Variants in DGKH observed in about 807,000 individuals in gnomAD.
DGKH encodes the protein diacylglycerol kinase eta.
A neutral mutation model predicts 159.3 loss-of-function variants in DGKH; 90 were observed. The observed-to-expected ratio is 0.57, with a 90% CI of 0.48 to 0.67. The LOEUF (loss-of-function observed/expected upper bound fraction) is 0.67. DGKH is among the 30% of genes least tolerant of loss of function. The pLI, the probability that DGKH is intolerant of heterozygous loss-of-function variation, is 0.00. For synonymous variants in DGKH, 536 were observed against 553.8 expected, an observed-to-expected ratio of 0.97 and a Z score of 0.45; for missense variants, 1,181 against 1,506.1, an observed-to-expected ratio of 0.78 and a Z score of 3.57.
chr13:42,048,737 G>A lies in DGKH; in HGVS notation c.-37G>A. 1 of 1,245,756 alleles carries A rather than the reference G, an allele frequency of 8.0e-7. No individual in the cohort carries two copies. Among genetic ancestry groups the A allele is most frequent in the Non-Finnish European group, 1.0e-6 (1 of 988,480 alleles). The allele number at this position is 1,245,756 out of a possible 1,614,324, so 77.2% of individuals were successfully genotyped here. On this transcript the variant is annotated 5_prime_UTR_variant, in exon 1 of 30. Transcript: ENST00000337343. The surrounding 1 kb of genome is among the most constrained non-coding windows in gnomAD (Gnocchi z 6.7). The stretch of plus-strand genomic sequence containing the variant: ...CCCGCTGACCAACGCCGCCGCCCCC[G>A]CCGGGCGGTGCTGTGTCCCCGCAGG...
At chr13:42,225,250 A>G (rs1195413954) in intron 29 of DGKH, 2 of 1,577,180 alleles carry the variant, frequency 1.3e-6, no homozygotes, top group Admixed American at 1.8e-5. Context: ...GTGCTTTAGC[A>G]GATAAGGAAA....
At chr13:42,222,493 T>G (rs1958004077) in intron 29 of DGKH, among the ~76,000 whole-genome samples, 1 of 152,106 alleles carries the variant, frequency 6.6e-6, no homozygotes, top group Non-Finnish European at 1.5e-5. Context: ...ATTAATTAAT[T>G]ACCTTAGTTG....
At chr13:42,052,689 A>G (rs959475827) in intron 1 of DGKH, among the ~76,000 whole-genome samples, 4 of 152,258 alleles carry the variant, frequency 2.6e-5, no homozygotes, top group African/African-American at 9.6e-5. Context: ...ATGAATGTGA[A>G]AGAAGCTTTG....
chr13:42,057,398 G>T (rs958867170), intron 1 of DGKH, among the ~76,000 whole-genome samples: 3 of 152,164 alleles, frequency 2.0e-5, no homozygotes, highest in African/African-American at 7.2e-5. Context: ...AGTTTTATCT[G>T]AGCAGGCACG....
rs755110936 is a variant in DGKH at position 42,209,484 on chromosome 13, C to T, written c.2850+19C>T. On this transcript the variant is annotated intron_variant, in intron 23 of 29. Coordinates refer to ENST00000337343, the MANE Select transcript of DGKH (RefSeq NM_178009.5). ...GGACAGAGTATGTAACAAAAACATT[C>T]TTCTAGAATATTGTCAGGTTTTTAA... The T allele has an allele frequency of 6.4e-7, 1 of 1,550,872 alleles. No individual in the cohort carries two copies. Among genetic ancestry groups the T allele is most frequent in the South Asian group, 1.2e-5 (1 of 81,580 alleles).
intron 9 of DGKH, among the ~76,000 whole-genome samples, chr13:42,167,517 T>C (rs1461034262): frequency 2.0e-5 from 3 of 152,206 alleles, no homozygotes; most frequent in Admixed American, 1.3e-4. Flanking sequence ...TTTTGCCCCC[T>C]GAGTCTTCCT....
chr13:42,251,887 A>T (rs1287346147), intron 29 of DGKH, among the ~76,000 whole-genome samples: 1 of 152,156 alleles, frequency 6.6e-6, no homozygotes, highest in Non-Finnish European at 1.5e-5. Context: ...TTATCTTTCC[A>T]CTTAATTAGC....
chr13:42,141,992 T>A (rs1340150471), intron 3 of DGKH, among the ~76,000 whole-genome samples: 1 of 151,400 alleles, frequency 6.6e-6, no homozygotes, highest in Non-Finnish European at 1.5e-5. Flanking sequence ...CTGAATGGTA[T>A]TGCCTAGGTT....
At chr13:42,091,219 A>G (rs1180390665) in intron 1 of DGKH, among the ~76,000 whole-genome samples, 1 of 152,242 alleles carries the variant, frequency 6.6e-6, no homozygotes, top group Admixed American at 6.5e-5. Context: ...AAGAAAACAT[A>G]GAAGAAAAGC....
chr13:42,105,279 G>A (rs1471464847), intron 1 of DGKH, among the ~76,000 whole-genome samples: 1 of 152,048 alleles, frequency 6.6e-6, no homozygotes, highest in Non-Finnish European at 1.5e-5. Context: ...GGAAATGAGA[G>A]CAAGTGCACG....
At chr13:42,227,972 A>G (rs934826079) in intron 29 of DGKH, among the ~76,000 whole-genome samples, 2 of 152,196 alleles carry the variant, frequency 1.3e-5, no homozygotes, top group African/African-American at 4.8e-5. Flanking sequence ...TTTGGAAGTC[A>G]TCTTTTTAAT....
chr13:42,146,054 C>T (rs531935582), intron 3 of DGKH, among the ~76,000 whole-genome samples: 124 of 151,722 alleles, frequency 8.2e-4, no homozygotes, highest in African/African-American at 2.9e-3. Context: ...AGAGCTGCCC[C>T]ATTTGTTAGA....
At chr13:42,081,670 C>T (rs1407242389) in intron 1 of DGKH, among the ~76,000 whole-genome samples, 2 of 152,168 alleles carry the variant, frequency 1.3e-5, no homozygotes, top group Non-Finnish European at 2.9e-5. Flanking sequence ...CAGTAGGAGC[C>T]ACCTCAGGCT....
chr13:42,159,850 C>T (rs576109724), intron 6 of DGKH, among the ~76,000 whole-genome samples, 161 bp from the exon 7 acceptor site: 3 of 152,276 alleles, frequency 2.0e-5, no homozygotes, highest in South Asian at 2.1e-4. Flanking sequence ...ATTCCTTGAA[C>T]GTTCATAATA....
At chr13:42,072,096 T>C (rs1200543140) in intron 1 of DGKH, among the ~76,000 whole-genome samples, 2 of 152,212 alleles carry the variant, frequency 1.3e-5, no homozygotes. Context: ...AATGTTTGAA[T>C]TAGAAGAAAA....
In DGKH at chr13:42,206,137, A is replaced by G; in HGVS notation, c.2592A>G (p.Lys864=). 1 of 1,428,684 alleles carries G rather than the reference A, an allele frequency of 7.0e-7. No individual in the cohort carries two copies. Among genetic ancestry groups the G allele is most frequent in the South Asian group, 1.7e-5 (1 of 59,098 alleles). The allele number at this position is 1,428,684 out of a possible 1,614,324, so 88.5% of individuals were successfully genotyped here. The change falls in exon 21 of 30, where the codon AAA becomes AAG. Residue 864 remains lysine, a synonymous_variant. Transcript: ENST00000337343. The part of the protein sequence containing the change: ...AGGTNFWGGT[K]EDDIFAAPSF... The stretch of plus-strand genomic sequence containing the variant: ...GCACTAACTTTTGGGGTGGAACTAA[A>G]GAGGATGATGTAAGTAATGGGAGTA...
At chr13:42,196,396 C>A in intron 17 of DGKH, among the ~76,000 whole-genome samples, 1 of 152,112 alleles carries the variant, frequency 6.6e-6, no homozygotes, top group Non-Finnish European at 1.5e-5. Flanking sequence ...GGAAGCAACC[C>A]AAACATCCAT....
chr13:42,092,965 G>A (rs1393455641), intron 1 of DGKH, among the ~76,000 whole-genome samples: 2 of 152,008 alleles, frequency 1.3e-5, no homozygotes, highest in African/African-American at 4.8e-5. Flanking sequence ...AGCATTGGCC[G>A]GGCACAGTGG....
intron 1 of DGKH, among the ~76,000 whole-genome samples, chr13:42,041,054 C>A (rs1880468056): frequency 6.6e-6 from 1 of 151,916 alleles, no homozygotes; most frequent in Non-Finnish European, 1.5e-5. Context: ...GCTTCCCAGC[C>A]GGGTTAGCGC....
Sources: allele counts gnomAD v4.1 joint callset (sites outside exome capture counted in the v4.1 genomes callset), GRCh38; gene constraint gnomAD v4.1.1; non-coding constraint Gnocchi (gnomAD v3.1); transcripts MANE v1.5; gene names NCBI Gene and HGNC (gene_info 2026-07-23, HGNC 2026-07-21).